The following TBC1D32 variants were observed in gnomAD, a reference collection of about 807,000 sequenced individuals.
TBC1D32 encodes protein broad-minded.
In TBC1D32, 151 loss-of-function variants were observed where a neutral mutation model predicts 170.3. The ratio of observed to expected loss-of-function variants is 0.89; its 90% CI spans 0.78 to 1.01. The LOEUF is 1.01. Ranked by LOEUF, TBC1D32 falls within the 50% of genes least tolerant of loss-of-function variation. TBC1D32 has a pLI of 0.00. For synonymous variants in TBC1D32, 498 were observed against 488.0 expected (o/e 1.02, Z -0.27); for missense variants, 1,464 against 1,457.1 (o/e 1.00, Z -0.08).
At chr6:121,241,955 C>T (rs1045282201) in intron 18 of TBC1D32, among the ~76,000 whole-genome samples, 1 of 152,110 alleles carries the variant, frequency 6.6e-6, no homozygotes, top group African/African-American at 2.4e-5. Flanking sequence ...AATTATAAAA[C>T]ATACGATAAT....
intron 22 of TBC1D32, among the ~76,000 whole-genome samples, chr6:121,203,236 T>C (rs1462865667): frequency 6.6e-6 from 1 of 151,320 alleles, no homozygotes; most frequent in Non-Finnish European, 1.5e-5. Context: ...GAAAGTAAAT[T>C]ATTAGCTTAA....
At chr6:121,322,704 G>A (rs1683529525) in intron 1 of TBC1D32, among the ~76,000 whole-genome samples, 1 of 152,192 alleles carries the variant, frequency 6.6e-6, no homozygotes, top group African/African-American at 2.4e-5. Flanking sequence ...CTTGACAACA[G>A]AACAAATCCA....
chr6:121,223,884 A>G (rs1213673597), intron 20 of TBC1D32, among the ~76,000 whole-genome samples: 1 of 152,072 alleles, frequency 6.6e-6, no homozygotes. Context: ...AATTTTACCA[A>G]TCTCTCCATG....
intron 15 of TBC1D32, among the ~76,000 whole-genome samples, chr6:121,274,567 T>G (rs1489298176): frequency 6.6e-6 from 1 of 150,886 alleles, no homozygotes; most frequent in Non-Finnish European, 1.5e-5. Flanking sequence ...AATCTTCAAA[T>G]TTACAATGTC....
Position 121,080,610 on chromosome 6 carries a change from A to G in TBC1D32, c.*161T>C, listed in dbSNP as rs1775544478. On this transcript the variant is annotated 3_prime_UTR_variant, in exon 32 of 32. Transcript: ENST00000398212. ...AACAAATTTACAAAAATGAATTCACAAATTGAGCTCATACCTACTTAAATA... is the reference window on the plus strand; with the variant it reads ...AACAAATTTACAAAAATGAATTCACGAATTGAGCTCATACCTACTTAAATA... The G allele has an allele frequency of 2.3e-6, 2 of 863,976 alleles. No homozygotes were observed. The highest frequency in any genetic ancestry group is 2.4e-4 in the Middle Eastern group (1 of 4,194). The allele number at this position is 863,976 out of a possible 1,614,324, so 53.5% of individuals were successfully genotyped here.
chr6:121,176,141 GA>G (rs1202532341), intron 22 of TBC1D32, among the ~76,000 whole-genome samples: 2 of 152,006 alleles, frequency 1.3e-5, no homozygotes, highest in African/African-American at 4.8e-5. Flanking sequence ...ACTAAAACAA[GA>G]AAGTGAAAAA....
chr6:121,139,398 T>C (rs1331617207), intron 24 of TBC1D32, among the ~76,000 whole-genome samples: 1 of 152,208 alleles, frequency 6.6e-6, no homozygotes. Context: ...TATTCCAATT[T>C]TAAATCTTTA....
intron 19 of TBC1D32, among the ~76,000 whole-genome samples, chr6:121,240,143 T>A (rs1796766030): frequency 6.6e-6 from 1 of 152,084 alleles, no homozygotes; most frequent in African/African-American, 2.4e-5. Flanking sequence ...CTCAAGAAAC[T>A]GTAGTCTTCC....
intron 29 of TBC1D32, among the ~76,000 whole-genome samples, chr6:121,109,518 A>T (rs1779004400): frequency 6.6e-6 from 1 of 152,160 alleles, no homozygotes; most frequent in Non-Finnish European, 1.5e-5. Flanking sequence ...TATTTCTACT[A>T]TGAAAATAAT....
At chr6:121,204,297 G>A (rs9320793) in intron 22 of TBC1D32, among the ~76,000 whole-genome samples, 104,090 of 150,940 alleles carry the variant, frequency 0.69, 41,304 homozygotes, top group Non-Finnish European at 0.87. Context: ...ATTAATATAC[G>A]GTTAAAAGTT....
At chr6:121,272,325 A>T (rs1405829067) in intron 15 of TBC1D32, among the ~76,000 whole-genome samples, 1 of 152,198 alleles carries the variant, frequency 6.6e-6, no homozygotes, top group African/African-American at 2.4e-5. Flanking sequence ...CAGGCAACCT[A>T]CAGAAAGGGA....
At chr6:121,288,783 C>T (rs1410800634) in intron 12 of TBC1D32, among the ~76,000 whole-genome samples, 1 of 151,750 alleles carries the variant, frequency 6.6e-6, no homozygotes, top group East Asian at 2.0e-4. Flanking sequence ...AATCCAGCAG[C>T]ACATCAAAAA....
intron 15 of TBC1D32, among the ~76,000 whole-genome samples, chr6:121,266,819 C>A (rs1800553797): frequency 6.6e-6 from 1 of 151,808 alleles, no homozygotes; most frequent in African/African-American, 2.4e-5. Context: ...AAACAAAAAA[C>A]CAAATACCAC....
At chr6:121,108,660 TAA>T (rs111320337) in intron 29 of TBC1D32, among the ~76,000 whole-genome samples, 1 of 151,322 alleles carries the variant, frequency 6.6e-6, no homozygotes, top group African/African-American at 2.4e-5. Context: ...GATTTATGCT[TAA>T]AAAAAAACAT....
intron 22 of TBC1D32, among the ~76,000 whole-genome samples, chr6:121,198,484 G>A (rs1247947417): frequency 6.6e-6 from 1 of 150,570 alleles, no homozygotes; most frequent in Admixed American, 6.6e-5. Context: ...TGGCACGGTG[G>A]CTCATGCCAG....
At chr6:121,322,155 A>G (rs1473077310) in intron 1 of TBC1D32, among the ~76,000 whole-genome samples, 1 of 152,202 alleles carries the variant, frequency 6.6e-6, no homozygotes, top group African/African-American at 2.4e-5. Flanking sequence ...GCTGATGAGG[A>G]AAATCATCTA....
At chr6:121,092,349 A>T (rs1429936016) in intron 30 of TBC1D32, among the ~76,000 whole-genome samples, 10 of 128,760 alleles carry the variant, frequency 7.8e-5, no homozygotes, top group South Asian at 2.4e-4. Context: ...AAAAGGGAAA[A>T]GATTTAATGG....
In TBC1D32 at chr6:121,106,100, A is replaced by G. The variant is rs1778654541; in HGVS notation, c.3388T>C (p.Tyr1130His). 6.2e-7 allele frequency: 1 copy of G among 1,607,420 alleles called. No individual in the cohort carries two copies. Among genetic ancestry groups the G allele is most frequent in the South Asian group, 1.1e-5 (1 of 90,084 alleles). ...IHPVYFCSTHYIEMLLKAELP... is the reference protein window; with the variant it reads ...IHPVYFCSTHHIEMLLKAELP... ...TCAGCCTTCAGTAGCATTTCAATAT[A>G]ATGGGTGCTGCAAAAATATACTGGA... The change falls in exon 30 of 32, where the codon TAT becomes CAT. Residue 1130 changes from tyrosine (Y) to histidine (H), a missense_variant. Physicochemically the swap from Tyr to His is moderately conservative, Grantham distance 83. Around this residue, in one of 3 missense-constraint regions of TBC1D32, gnomAD observed 1,363 missense variants for 1,338.1 expected, o/e 1.02. Transcript: ENST00000398212.
Position 121,084,467 on chromosome 6 carries a change from A to G in TBC1D32, c.3655-3577T>C, listed in dbSNP as rs530262633. Among the ~76,000 whole-genome samples, 28 of 152,214 alleles carry G rather than the reference A, an allele frequency of 1.8e-4. 1 individual carries two copies. In the South Asian group the frequency reaches 4.4e-3, roughly 24 times the overall value. On this transcript the variant is annotated intron_variant, in intron 31 of 31. Transcript: ENST00000398212. ...ACATTTTCTTGATCACACTACAGACATATGATGTTAGGCATGGGTTGGCCT... is the reference window on the plus strand; with the variant it reads ...ACATTTTCTTGATCACACTACAGACGTATGATGTTAGGCATGGGTTGGCCT...
Sources: gnomAD v4.1 joint callset for allele counts (sites outside exome capture counted in the v4.1 genomes callset) on GRCh38, gnomAD v4.1.1 for gene constraint, gnomAD v4.1.1 regional missense constraint, MANE v1.5 for transcripts, NCBI Gene and HGNC (gene_info 2026-07-23, HGNC 2026-07-21) for gene names.